The following THSD7A variants were observed in gnomAD, a reference collection of about 807,000 sequenced individuals.
THSD7A encodes thrombospondin type-1 domain-containing protein 7A.
A neutral mutation model predicts 231.3 loss-of-function variants in THSD7A; 96 were observed. The observed-to-expected ratio is 0.41, with a 90% CI of 0.35 to 0.49. The LOEUF is 0.49. THSD7A is among the 20% of genes least tolerant of loss of function. THSD7A has a pLI of 0.05. For synonymous variants in THSD7A, 940 were observed against 743.3 expected (o/e 1.26, Z -4.30); for missense variants, 2,290 against 2,070.2 (o/e 1.11, Z -2.06).
chr7:11,442,070 T>C (rs1198611336), intron 13 of THSD7A, among the ~76,000 whole-genome samples: 1 of 152,100 alleles, frequency 6.6e-6, no homozygotes, highest in Non-Finnish European at 1.5e-5. Flanking sequence ...ATACAAAATT[T>C]GTATTATGTT....
chr7:11,573,158 G>T (rs1790722281), intron 4 of THSD7A, among the ~76,000 whole-genome samples: 1 of 152,102 alleles, frequency 6.6e-6, no homozygotes, highest in Non-Finnish European at 1.5e-5. Flanking sequence ...CTCTCACAGG[G>T]CTGGAGCTCA....
At chr7:11,405,900 G>T (rs536372369) in intron 22 of THSD7A, among the ~76,000 whole-genome samples, 4 of 152,190 alleles carry the variant, frequency 2.6e-5, no homozygotes, top group Non-Finnish European at 5.9e-5. Context: ...GTTATTATGA[G>T]GACTTAATCT....
At chr7:11,537,887 G>C (rs1252122956) in intron 6 of THSD7A, among the ~76,000 whole-genome samples, 2 of 152,134 alleles carry the variant, frequency 1.3e-5, no homozygotes, top group African/African-American at 4.8e-5. Flanking sequence ...TTAGACATAG[G>C]CCTTCTTCAG....
rs181208633 is a variant in THSD7A, at chr7:11,510,387, C to G, written c.1823-28405G>C. ...CTATTCCTTCTGAAACTATTCCAATCAACAGAAAAACAGGGAATCCTCCCT... is the reference window on the plus strand; with the variant it reads ...CTATTCCTTCTGAAACTATTCCAATGAACAGAAAAACAGGGAATCCTCCCT... On this transcript the variant is annotated intron_variant, in intron 6 of 27. Transcript: ENST00000423059. Among the ~76,000 whole-genome samples, 20 of 152,254 alleles carry G rather than the reference C, an allele frequency of 1.3e-4. 1 individual carries two copies. The highest frequency in any genetic ancestry group is 2.6e-4 in the Admixed American group (4 of 15,284).
chr7:11,478,143 T>C (rs7793532), intron 7 of THSD7A, among the ~76,000 whole-genome samples: 115,291 of 152,026 alleles, frequency 0.76, 43,694 homozygotes, highest in South Asian at 0.83. Context: ...TACCCATTGT[T>C]ATCTCCATTG....
At chr7:11,436,131 A>T (rs369120031) in intron 13 of THSD7A, among the ~76,000 whole-genome samples, 1 of 152,066 alleles carries the variant, frequency 6.6e-6, no homozygotes, top group Non-Finnish European at 1.5e-5. Flanking sequence ...AACTAACATG[A>T]TGTTGAAAAT....
chr7:11,747,771 A>G (rs1782359558), intron 1 of THSD7A, among the ~76,000 whole-genome samples: 1 of 151,940 alleles, frequency 6.6e-6, no homozygotes, highest in African/African-American at 2.4e-5. Context: ...TTGGAAGGCC[A>G]TGGATAAAGT....
chr7:11,571,160 A>T (rs1330542730), intron 4 of THSD7A, among the ~76,000 whole-genome samples: 1 of 152,202 alleles, frequency 6.6e-6, no homozygotes, highest in Non-Finnish European at 1.5e-5. Context: ...ATGGGAAGGC[A>T]CAAATATGAG....
intron 3 of THSD7A, among the ~76,000 whole-genome samples, chr7:11,591,691 C>G (rs1239448931): frequency 2.0e-5 from 3 of 151,984 alleles, no homozygotes; most frequent in African/African-American, 7.3e-5. Context: ...GGGACTGGGT[C>G]ATGAAGAAAC....
intron 6 of THSD7A, among the ~76,000 whole-genome samples, chr7:11,515,311 C>T (rs1787984853): frequency 1.3e-5 from 2 of 152,064 alleles, no homozygotes; most frequent in African/African-American, 4.8e-5. Flanking sequence ...AACAAGTTTG[C>T]TATGGAACAA....
At position 11,370,928 on chromosome 7, in the gene THSD7A, G is replaced by A. The variant is rs1782028798; in HGVS notation, c.*4866C>T. On this transcript the variant is annotated 3_prime_UTR_variant, in exon 28 of 28. Transcript: ENST00000423059. Reference sequence around the variant, plus strand: ...AACACAAACAGATTTCTGAAAAATAGGGAAAAGTTTACTTGAGGGTTAAAA... The same window carrying A: ...AACACAAACAGATTTCTGAAAAATAAGGAAAAGTTTACTTGAGGGTTAAAA... 1 of 152,056 alleles carries A rather than the reference G, an allele frequency of 6.6e-6. No individual in the cohort carries two copies. The highest frequency in any genetic ancestry group is 6.6e-5 in the Admixed American group (1 of 15,246). 9.4% of individuals were successfully genotyped at this position (152,056 alleles called of 1,614,324 possible). A position where few individuals can be genotyped will look rare whatever the true frequency, so the allele number is the denominator to read the frequency against.
intron 1 of THSD7A, among the ~76,000 whole-genome samples, chr7:11,752,472 A>G (rs1782534948): frequency 1.3e-5 from 2 of 152,024 alleles, no homozygotes; most frequent in Non-Finnish European, 2.9e-5. Flanking sequence ...TTTAGTACAT[A>G]ATTTTTGATA....
chr7:11,567,420 C>CA (rs1273934729), intron 4 of THSD7A, among the ~76,000 whole-genome samples: 12 of 152,138 alleles, frequency 7.9e-5, no homozygotes, highest in African/African-American at 2.9e-4. Flanking sequence ...TTTCTTCCTT[C>CA]ATATATGGAG....
chr7:11,631,229 G>A (rs752185341), intron 2 of THSD7A, among the ~76,000 whole-genome samples: 32 of 152,068 alleles, frequency 2.1e-4, no homozygotes, highest in Non-Finnish European at 3.7e-4. Flanking sequence ...AGCTTCCTCC[G>A]TCTCTGAGGC....
intron 2 of THSD7A, among the ~76,000 whole-genome samples, chr7:11,601,422 G>T (rs1413931613): frequency 6.6e-6 from 1 of 152,138 alleles, no homozygotes; most frequent in Non-Finnish European, 1.5e-5. Context: ...TGAACACCTG[G>T]TAAGCAGTCG....
chr7:11,796,683 C>G (rs1784136333), intron 1 of THSD7A, among the ~76,000 whole-genome samples: 1 of 151,274 alleles, frequency 6.6e-6, no homozygotes, highest in African/African-American at 2.4e-5. Flanking sequence ...AGTAATTTTT[C>G]TTTTCTATGT....
chr7:11,752,608 T>A (rs879330533), intron 1 of THSD7A, among the ~76,000 whole-genome samples: 2 of 152,052 alleles, frequency 1.3e-5, no homozygotes, highest in African/African-American at 4.8e-5. Context: ...CTAGGGCTAA[T>A]GATTCAACGT....
At chr7:11,523,411 A>T (rs1336539691) in intron 6 of THSD7A, among the ~76,000 whole-genome samples, 1 of 152,144 alleles carries the variant, frequency 6.6e-6, no homozygotes, top group African/African-American at 2.4e-5. Flanking sequence ...ATCACCACTA[A>T]GAAAAATTAA....
intron 4 of THSD7A, among the ~76,000 whole-genome samples, chr7:11,562,408 A>G (rs1199740255): frequency 6.6e-6 from 1 of 152,226 alleles, no homozygotes; most frequent in Non-Finnish European, 1.5e-5. Flanking sequence ...GAAAAATGCA[A>G]TAAATTTAAT....
Sources: allele counts gnomAD v4.1 joint callset (sites outside exome capture counted in the v4.1 genomes callset), GRCh38; gene constraint gnomAD v4.1.1; transcripts MANE v1.5; gene names NCBI Gene and HGNC (gene_info 2026-07-23, HGNC 2026-07-21).